Variants in ZDHHC11B observed in about 807,000 individuals in gnomAD.
ZDHHC11B encodes probable palmitoyltransferase ZDHHC11B.
Under a neutral mutation model 42.3 loss-of-function variants are expected in ZDHHC11B, and 17 were observed. The ratio of observed to expected loss-of-function variants is 0.40; its 90% CI spans 0.27 to 0.60. The LOEUF is 0.60. ZDHHC11B is among the 20% of genes least tolerant of loss of function. The probability of loss-of-function intolerance (pLI) is 0.41; values close to 1 mark genes in which losing one functional copy is unlikely to be tolerated. For synonymous variants in ZDHHC11B, 123 were observed against 193.5 expected (o/e 0.64, Z 3.02); for missense variants, 262 against 463.2 (o/e 0.57, Z 3.99).
chr5:745,052 C>T (rs1319397904), intron 9 of ZDHHC11B, 131 bp downstream of exon 9: 25 of 952,184 alleles, frequency 2.6e-5, no homozygotes, highest in Non-Finnish European at 3.6e-5. Flanking sequence ...CACACACAGA[C>T]ACACACACAG....
At position 759,195 on chromosome 5, in the gene ZDHHC11B, C is replaced by A. The variant is rs1418362923; in HGVS notation, c.223-3051G>T. Among the ~76,000 whole-genome samples, 30 of 151,904 alleles carry A rather than the reference C, an allele frequency of 2.0e-4. 1 individual carries two copies. Among genetic ancestry groups the A allele is most frequent in the Non-Finnish European group, 3.2e-4 (22 of 67,938 alleles). ...GAGAACCGTAGCTATGCTGGAACCT[C>A]CCCTAGCAACAATCTGTATTTTGTA... is the stretch of plus-strand genomic sequence containing the variant. On this transcript the variant is annotated intron_variant, in intron 4 of 13. Transcript: ENST00000508859.
Position 722,855 on chromosome 5 carries a change from A to C in ZDHHC11B, c.1059-5990T>G, listed in dbSNP as rs557303882. Among the ~76,000 whole-genome samples, 22 of 151,686 alleles carry C rather than the reference A, an allele frequency of 1.5e-4. No individual in the cohort carries two copies. The East Asian group carries it at 4.2e-3, about 29-fold the overall frequency. Reference sequence around the variant, plus strand: ...ACAAGCAGTATGGACAGACCTTGGCAATTTAGTACTAAGTGAAAAAGGTGA... The same window carrying C: ...ACAAGCAGTATGGACAGACCTTGGCCATTTAGTACTAAGTGAAAAAGGTGA... On this transcript the variant is annotated intron_variant, in intron 12 of 13. Transcript: ENST00000508859.
intron 10 of ZDHHC11B, among the ~76,000 whole-genome samples, chr5:737,186 G>A (rs1457765873): frequency 6.7e-6 from 1 of 148,740 alleles, no homozygotes; most frequent in Non-Finnish European, 1.5e-5. Context: ...TATGAACACC[G>A]TTATGCACAC....
intron 1 of ZDHHC11B, among the ~76,000 whole-genome samples, chr5:770,052 TC>T (rs1237169180): frequency 6.6e-6 from 1 of 151,560 alleles, no homozygotes; most frequent in Non-Finnish European, 1.5e-5. Flanking sequence ...CTTCGAGGGG[TC>T]CCCCGGGGAC....
At chr5:780,978 C>T (rs1479733947) in intron 1 of ZDHHC11B, among the ~76,000 whole-genome samples, 3 of 147,544 alleles carry the variant, frequency 2.0e-5, no homozygotes, top group Non-Finnish European at 3.0e-5. Context: ...GGCTGTGCAG[C>T]GGTGCCCTGG....
At chr5:754,219 A>AACTCT in intron 6 of ZDHHC11B, among the ~76,000 whole-genome samples, 5 of 97,782 alleles carry the variant, frequency 5.1e-5, no homozygotes, top group African/African-American at 1.4e-4. Context: ...CAGGGGAAAC[A>AACTCT]CGTCTCATCT....
intron 12 of ZDHHC11B, among the ~76,000 whole-genome samples, chr5:720,893 T>C (rs1231050684): frequency 2.0e-5 from 3 of 151,542 alleles, no homozygotes; most frequent in Admixed American, 6.6e-5. Context: ...GAGGATCATG[T>C]GAGACCAGGA....
In ZDHHC11B at chr5:761,027, G is replaced by A. The variant is rs148072776; in HGVS notation, c.223-4883C>T. On this transcript the variant is annotated intron_variant, in intron 4 of 13. Transcript: ENST00000508859. ...CAGCAGCTGCCAGGAAAAGGCAGGC[G>A]GGCGCTGTGCTGACCTAAACACACC... 7.0e-4 allele frequency among the ~76,000 whole-genome samples: 106 copies of A among 151,932 alleles called. 2 individuals are homozygous for A. The highest frequency in any genetic ancestry group is 2.1e-3 in the African/African-American group (85 of 41,426).
intron 12 of ZDHHC11B, among the ~76,000 whole-genome samples, chr5:718,543 C>T (rs1279974339): frequency 6.6e-6 from 1 of 151,244 alleles, no homozygotes; most frequent in African/African-American, 2.4e-5. Flanking sequence ...AACAAACAAA[C>T]AAAAAAGCTG....
At chr5:742,655 A>T (rs986179934) in intron 9 of ZDHHC11B, among the ~76,000 whole-genome samples, 2 of 149,976 alleles carry the variant, frequency 1.3e-5, no homozygotes, top group African/African-American at 4.9e-5. Context: ...ACTGTTGCAC[A>T]CATGTCATGT....
chr5:761,326 G>A (rs1389590144), intron 4 of ZDHHC11B, among the ~76,000 whole-genome samples: 4 of 151,872 alleles, frequency 2.6e-5, no homozygotes, highest in African/African-American at 9.7e-5. Flanking sequence ...AGGACACCCG[G>A]GGCCAATGGG....
rs1331498135 is a variant in ZDHHC11B, at chr5:762,484, G to T, written c.222+4214C>A. 1.3e-5 allele frequency among the ~76,000 whole-genome samples: 2 copies of T among 151,774 alleles called. 1 individual carries two copies. The highest frequency in any genetic ancestry group is 4.8e-5 in the African/African-American group (2 of 41,304). On this transcript the variant is annotated intron_variant, in intron 4 of 13. Transcript: ENST00000508859. ...AGCCCATTTCAGACTTGTAGATAGGGTGTGGCCTGACCTCCCAAGGGAACT... is the reference window on the plus strand; with the variant it reads ...AGCCCATTTCAGACTTGTAGATAGGTTGTGGCCTGACCTCCCAAGGGAACT...
At chr5:737,307 T>A (rs4956970) in intron 10 of ZDHHC11B, among the ~76,000 whole-genome samples, 96,080 of 144,900 alleles carry the variant, frequency 0.66, 32,551 homozygotes, top group Middle Eastern at 0.79. Flanking sequence ...GTAGCGAGAT[T>A]GAAACAGTAA....
chr5:758,097 C>T (rs563801453), intron 4 of ZDHHC11B, among the ~76,000 whole-genome samples: 16 of 151,962 alleles, frequency 1.1e-4, no homozygotes, highest in African/African-American at 2.4e-4. Context: ...CCCATGTACC[C>T]GCTCCCTGCA....
rs766307326 is a variant in ZDHHC11B at position 730,486 on chromosome 5, G to A, written c.1024-18C>T. On this transcript the variant is annotated intron_variant, in intron 11 of 13. Transcript: ENST00000508859. ...TCTGCTTCCTGTGGGGGGAAGGGAAGCAAAATTCTTAGGATGAACAAAGAC... is the reference window on the plus strand; with the variant it reads ...TCTGCTTCCTGTGGGGGGAAGGGAAACAAAATTCTTAGGATGAACAAAGAC... 2.6e-6 allele frequency: 4 copies of A among 1,552,508 alleles called. No homozygotes were observed. The African/African-American group carries it at 5.6e-5, about 22-fold the overall frequency.
intron 12 of ZDHHC11B, among the ~76,000 whole-genome samples, chr5:721,604 AG>A (rs1742193157): frequency 6.6e-6 from 1 of 151,538 alleles, no homozygotes; most frequent in African/African-American, 2.4e-5. Flanking sequence ...GTGGTAGCTA[AG>A]TGTCCATATA....
chr5:767,323 TC>T, intron 3 of ZDHHC11B, 68 bp downstream of exon 3: 1 of 1,517,042 alleles, frequency 6.6e-7, no homozygotes, highest in Non-Finnish European at 9.0e-7. Flanking sequence ...CATGTGGGGC[TC>T]CGGGTCCCAC....
chr5:777,768 A>G lies in ZDHHC11B; in HGVS notation c.-230+6900T>C, dbSNP rs1057309818. 5.3e-5 allele frequency among the ~76,000 whole-genome samples: 8 copies of G among 152,024 alleles called. No individual in the cohort carries two copies. In the South Asian group the frequency reaches 1.5e-3, roughly 28 times the overall value. ...CTCAGGAGTCTAGCTAGCTTTCTCT[A>G]TCGGATCCTGAGCCCCGCAGCAGGC... On this transcript the variant is annotated intron_variant, in intron 1 of 13. Coordinates refer to ENST00000508859, the MANE Select transcript of ZDHHC11B (RefSeq NM_001351303.2).
At chr5:754,070 GTT>G in intron 6 of ZDHHC11B, among the ~76,000 whole-genome samples, 1 of 123,658 alleles carries the variant, frequency 8.1e-6, no homozygotes, top group South Asian at 3.6e-4. Flanking sequence ...ACAACCTCTC[GTT>G]CTTGAGCCTC....
Sources: allele counts gnomAD v4.1 joint callset (sites outside exome capture counted in the v4.1 genomes callset), GRCh38; gene constraint gnomAD v4.1.1; transcripts MANE v1.5; gene names NCBI Gene and HGNC (gene_info 2026-07-23, HGNC 2026-07-21).